Variants in FGD5 observed in about 807,000 individuals in gnomAD.
FGD5 encodes the protein FYVE, RhoGEF and PH domain-containing protein 5.
In FGD5, 28 loss-of-function variants were observed where a neutral mutation model predicts 133.4. That is an observed-to-expected ratio of 0.21 (90% CI 0.16 to 0.29). The LOEUF (loss-of-function observed/expected upper bound fraction) is 0.29. Among genes scored for constraint, FGD5 ranks in the 10% least tolerant of loss-of-function variants. The pLI is 1.00. For missense variants in FGD5, 1,858 were observed against 1,895.2 expected, an observed-to-expected ratio of 0.98 and a Z score of 0.36; for synonymous variants, 810 against 776.5, an observed-to-expected ratio of 1.04 and a Z score of -0.72.
rs563355242 is a variant in FGD5, at chr3:14,917,905, G to A, written c.3489+573G>A. 7.2e-5 allele frequency among the ~76,000 whole-genome samples: 11 copies of A among 152,268 alleles called. No individual in the cohort carries two copies. Among genetic ancestry groups the A allele is most frequent in the South Asian group, 2.1e-4 (1 of 4,828 alleles). ...TGAATTTGACTACTATGGGTACCTC[G>A]AATGAGGAGTCACACAGTATTGATC... On this transcript the variant is annotated intron_variant, in intron 12 of 19. Transcript: ENST00000285046. The surrounding 1 kb of genome is among the most constrained non-coding windows in gnomAD (Gnocchi z 4.1).
At chr3:14,910,619 T>TC (rs1467673703) in intron 10 of FGD5, among the ~76,000 whole-genome samples, 5 of 152,220 alleles carry the variant, frequency 3.3e-5, no homozygotes, top group Admixed American at 6.5e-5. Flanking sequence ...GTGGTGTCTT[T>TC]CAGGACTATG....
chr3:14,829,551 G>A (rs974557074), intron 1 of FGD5, among the ~76,000 whole-genome samples: 4 of 152,218 alleles, frequency 2.6e-5, no homozygotes, highest in Non-Finnish European at 5.9e-5. Context: ...ATGAACTCCA[G>A]GGCTAGATTG....
At position 14,820,407 on chromosome 3, in the gene FGD5, G is replaced by T. The variant is rs766903039; in HGVS notation, c.1336G>T (p.Gly446Trp). 4.3e-6 allele frequency: 7 copies of T among 1,613,992 alleles called. No individual in the cohort carries two copies. The highest frequency in any genetic ancestry group is 5.9e-6 in the Non-Finnish European group (7 of 1,179,886). Reference sequence around the variant, plus strand: ...CGGTCAGGCGGCCCCTGGAGAAGGAGGGCAGGCTGCATCGGACGCCCTGGG... The same window carrying T: ...CGGTCAGGCGGCCCCTGGAGAAGGATGGCAGGCTGCATCGGACGCCCTGGG... ...LPGQAAPGEGGQAASDALGGY... is the reference protein window; with the variant it reads ...LPGQAAPGEGWQAASDALGGY... The change falls in exon 1 of 20, where the codon GGG (glycine) becomes TGG (tryptophan). Residue 446 changes from glycine (G) to tryptophan (W), a missense_variant. Around this residue, in one of 3 missense-constraint regions of FGD5, gnomAD observed 1,824 missense variants for 1,848.9 expected, o/e 0.99. Transcript: ENST00000285046.
chr3:14,819,373 A>G lies in FGD5; in HGVS notation c.302A>G (p.Glu101Gly), dbSNP rs868832283. 21 of 1,549,458 alleles carry G rather than the reference A, an allele frequency of 1.4e-5. No individual in the cohort carries two copies. The Middle Eastern group carries it at 2.3e-3, about 172-fold the overall frequency. Residue 101 changes from glutamate (E) to glycine (G), a missense_variant, in exon 1 of 20, where the codon GAG (glutamate) becomes GGG (glycine). Around this residue, in one of 3 missense-constraint regions of FGD5, gnomAD observed 1,824 missense variants for 1,848.9 expected, o/e 0.99. Transcript: ENST00000285046. The surrounding 1 kb of genome is among the most constrained non-coding windows in gnomAD (Gnocchi z 4.1). ...SPESSAEEEE[E>G]REEGGEACGL... ...GAGTCCTCTGCGGAAGAGGAAGAGG[A>G]GCGTGAAGAGGGAGGCGAGGCATGT...
chr3:14,865,983 C>A (rs529545874), intron 2 of FGD5, among the ~76,000 whole-genome samples: 2 of 152,302 alleles, frequency 1.3e-5, no homozygotes, highest in East Asian at 3.9e-4. Context: ...TAGTTGCCAT[C>A]AGAGATTTGG....
chr3:14,897,963 C>G lies in FGD5; in HGVS notation c.2934C>G (p.Asp978Glu), dbSNP rs759638175. Residue 978 changes from aspartate to glutamate, a missense_variant, in exon 6 of 20, where the codon GAC (aspartate) becomes GAG (glutamate). Around this residue, in one of 3 missense-constraint regions of FGD5, gnomAD observed 1,824 missense variants for 1,848.9 expected, o/e 0.99. Transcript: ENST00000285046. ...SNWESQQKVA[D>E]VFLAREQGFD... ...GGGAGAGCCAGCAGAAGGTAGCTGA[C>G]GTCTTCCTGGCCCGGGAGCAGGGGT... is the stretch of plus-strand genomic sequence containing the variant. The G allele has an allele frequency of 3.1e-6, 5 of 1,613,792 alleles. No individual in the cohort carries two copies. Among genetic ancestry groups the G allele is most frequent in the Non-Finnish European group, 4.2e-6 (5 of 1,179,840 alleles).
chr3:14,921,410 G>GA, intron 13 of FGD5: 1 of 159,142 alleles, frequency 6.3e-6, no homozygotes, highest in South Asian at 1.8e-4. Flanking sequence ...AGCCCTCCCT[G>GA]GTGCAGAGCA....
chr3:14,932,767 T>C (rs373202852), intron 19 of FGD5, 36 bp downstream of exon 19: 2 of 1,597,772 alleles, frequency 1.3e-6, no homozygotes, highest in Non-Finnish European at 1.7e-6. Context: ...TAGCTTTTTG[T>C]TCTCTCAGAA....
intron 10 of FGD5, among the ~76,000 whole-genome samples, chr3:14,908,087 T>A (rs956155183): frequency 8.5e-5 from 13 of 152,196 alleles, no homozygotes; most frequent in African/African-American, 2.9e-4. Flanking sequence ...AATAACATTC[T>A]TGAGGAGATA....
At chr3:14,814,131 G>T (rs2036335842), upstream of FGD5, among the ~76,000 whole-genome samples, 1 of 152,088 alleles carries the variant, frequency 6.6e-6, no homozygotes, top group Admixed American at 6.5e-5. Context: ...CAGGCTCCGT[G>T]ATACAAGGAG....
intron 1 of FGD5, among the ~76,000 whole-genome samples, chr3:14,811,187 C>G (rs1244730848): frequency 6.6e-6 from 1 of 152,172 alleles, no homozygotes; most frequent in Non-Finnish European, 1.5e-5. Context: ...AAGAAAGACG[C>G]CCCTTTCGCA....
At chr3:14,813,886 TAATTAA>T (rs1203446364) in intron 1 of FGD5, among the ~76,000 whole-genome samples, 1 of 152,198 alleles carries the variant, frequency 6.6e-6, no homozygotes, top group East Asian at 1.9e-4. Flanking sequence ...GACAGATATT[TAATTAA>T]AATAGAGAGA....
intron 1 of FGD5, among the ~76,000 whole-genome samples, chr3:14,855,540 A>G (rs2037261348): frequency 6.6e-6 from 1 of 152,202 alleles, no homozygotes; most frequent in Non-Finnish European, 1.5e-5. Flanking sequence ...TCTTTTTGAT[A>G]ATAGCCATTC....
At chr3:14,862,142 C>T (rs2037411602) in intron 1 of FGD5, among the ~76,000 whole-genome samples, 1 of 152,174 alleles carries the variant, frequency 6.6e-6, no homozygotes, top group South Asian at 2.1e-4. Context: ...GGCTTTCTGC[C>T]TGGCATGCAC....
chr3:14,817,010 G>A (rs778591849), upstream of FGD5, among the ~76,000 whole-genome samples: 3 of 152,164 alleles, frequency 2.0e-5, no homozygotes, highest in Admixed American at 6.5e-5. Flanking sequence ...CATGTGGCTC[G>A]TGAGCAGGTA....
chr3:14,889,223 C>T (rs185698462), intron 4 of FGD5, among the ~76,000 whole-genome samples: 10 of 152,282 alleles, frequency 6.6e-5, no homozygotes, highest in Non-Finnish European at 1.2e-4. Flanking sequence ...TTGTAACTCT[C>T]GCCCGGATAG....
chr3:14,851,544 C>T (rs1370634822), intron 1 of FGD5, among the ~76,000 whole-genome samples: 1 of 152,244 alleles, frequency 6.6e-6, no homozygotes, highest in Admixed American at 6.5e-5. Flanking sequence ...CCAGCCTCTG[C>T]TGCCAGCATC....
rs1490531800 is a variant in FGD5, at chr3:14,819,960, C to T, written c.889C>T (p.Pro297Ser). Residue 297 changes from proline to serine, a missense_variant, in exon 1 of 20, where the codon CCT (proline) becomes TCT (serine). Around this residue, in one of 3 missense-constraint regions of FGD5, gnomAD observed 1,824 missense variants for 1,848.9 expected, o/e 0.99. Transcript: ENST00000285046. This position sits in a 1 kb window ranked among gnomAD's most constrained non-coding sequence, Gnocchi z 4.1. ...GGEQVDLSEP[P>S]DHEKKTNQEV... ...GGAACAGGTTGACCTCAGTGAACCA[C>T]CTGACCACGAGAAGAAAACCAACCA... The T allele has an allele frequency of 1.2e-6, 2 of 1,613,922 alleles. No homozygotes were observed. Among genetic ancestry groups the T allele is most frequent in the South Asian group, 2.2e-5 (2 of 91,068 alleles).
chr3:14,901,317 A>G (rs1448005609), intron 9 of FGD5, among the ~76,000 whole-genome samples: 1 of 152,204 alleles, frequency 6.6e-6, no homozygotes, highest in African/African-American at 2.4e-5. Context: ...GGCCACCCCC[A>G]TCAGCACCTG....
Sources: gnomAD v4.1 joint callset for allele counts (sites outside exome capture counted in the v4.1 genomes callset) on GRCh38, gnomAD v4.1.1 for gene constraint, gnomAD v4.1.1 regional missense constraint, Gnocchi (gnomAD v3.1) non-coding constraint, MANE v1.5 for transcripts, NCBI Gene and HGNC (gene_info 2026-07-23, HGNC 2026-07-21) for gene names.